The following TRPM3 variants were observed in gnomAD, a reference collection of about 807,000 sequenced individuals.
The protein encoded by TRPM3 is long transient receptor potential channel 3.
In TRPM3, 77 loss-of-function variants were observed where a neutral mutation model predicts 181.2. The observed-to-expected ratio is 0.42, with a 90% CI of 0.35 to 0.51. The LOEUF is 0.51. Ranked by LOEUF, TRPM3 falls within the 20% of genes least tolerant of loss-of-function variation. The pLI is 0.01. For synonymous variants in TRPM3, 745 were observed against 796.4 expected (o/e 0.94, Z 1.09); for missense variants, 1,759 against 2,196.7 (o/e 0.80, Z 3.98).
chr9:71,247,236 C>T (rs924833351), intron 1 of TRPM3, among the ~76,000 whole-genome samples: 1 of 151,354 alleles, frequency 6.6e-6, no homozygotes, highest in African/African-American at 2.4e-5. Context: ...TGCTTGTAAT[C>T]CCAGTTACTC....
At chr9:70,697,371 T>C (rs1268162257) in intron 8 of TRPM3, among the ~76,000 whole-genome samples, 1 of 152,226 alleles carries the variant, frequency 6.6e-6, no homozygotes, top group African/African-American at 2.4e-5. Context: ...ACATTTCTGT[T>C]TATCAGCTTT....
chr9:70,606,339 C>T (rs901342794), intron 19 of TRPM3, among the ~76,000 whole-genome samples: 1 of 152,160 alleles, frequency 6.6e-6, no homozygotes, highest in African/African-American at 2.4e-5. Flanking sequence ...TCACACCTCT[C>T]TTCTTTTTTT....
chr9:70,828,716 T>TA (rs2093707315), intron 5 of TRPM3, among the ~76,000 whole-genome samples: 1 of 52,134 alleles, frequency 1.9e-5, no homozygotes, highest in African/African-American at 5.1e-5. Context: ...TTTTTTTTTT[T>TA]ATAAAAAGAA....
At chr9:71,217,908 T>C (rs1228712344) in intron 1 of TRPM3, among the ~76,000 whole-genome samples, 2 of 152,180 alleles carry the variant, frequency 1.3e-5, no homozygotes, top group African/African-American at 4.8e-5. Context: ...ACTCACTACC[T>C]TGGAGTGACT....
intron 1 of TRPM3, among the ~76,000 whole-genome samples, chr9:71,006,774 G>A (rs1028818498): frequency 2.0e-5 from 3 of 151,172 alleles, no homozygotes; most frequent in African/African-American, 7.3e-5. Context: ...GGGAGGCTGA[G>A]GCAGGAGAAT....
At chr9:70,799,862 A>G (rs778570066) in intron 6 of TRPM3, among the ~76,000 whole-genome samples, 17 of 152,120 alleles carry the variant, frequency 1.1e-4, no homozygotes, top group Non-Finnish European at 2.4e-4. Context: ...CAACAACTTC[A>G]TCATTAATAA....
In TRPM3 at chr9:70,625,108, C is replaced by T. The variant is rs1217242311; in HGVS notation, c.1809+83G>A. On this transcript the variant is annotated intron_variant, in intron 14 of 25. Transcript: ENST00000677713. This position sits in a 1 kb window ranked among gnomAD's most constrained non-coding sequence, Gnocchi z 4.8. The stretch of plus-strand genomic sequence containing the variant: ...AGCGCAATTTTCTGATTTTAATTCC[C>T]CTTGGAGACAAAGAAGCCACAACCC... 2 of 1,496,548 alleles carry T rather than the reference C, an allele frequency of 1.3e-6. No individual in the cohort carries two copies. The highest frequency in any genetic ancestry group is 1.8e-6 in the Non-Finnish European group (2 of 1,103,932). 92.7% of individuals were successfully genotyped at this position (1,496,548 alleles called of 1,614,324 possible). A position where few individuals can be genotyped will look rare whatever the true frequency, so the allele number is the denominator to read the frequency against.
At chr9:71,276,990 T>C (rs1478094808) in intron 1 of TRPM3, among the ~76,000 whole-genome samples, 1 of 152,356 alleles carries the variant, frequency 6.6e-6, no homozygotes, top group East Asian at 1.9e-4. Flanking sequence ...TAAGTTCTAA[T>C]CACTGAAGTA....
At chr9:70,683,865 G>A (rs1031667143) in intron 8 of TRPM3, among the ~76,000 whole-genome samples, 10 of 152,168 alleles carry the variant, frequency 6.6e-5, no homozygotes, top group Non-Finnish European at 1.0e-4. Context: ...GGGTCCACTG[G>A]AGAAAGAACC....
intron 1 of TRPM3, among the ~76,000 whole-genome samples, chr9:71,216,119 AT>A (rs2079850596): frequency 6.6e-6 from 1 of 152,204 alleles, no homozygotes; most frequent in Admixed American, 6.5e-5. Flanking sequence ...TGCTGACAGA[AT>A]TTTGCTCTCA....
chr9:71,277,271 G>A (rs1008214519), intron 1 of TRPM3, among the ~76,000 whole-genome samples: 4 of 152,168 alleles, frequency 2.6e-5, no homozygotes, highest in African/African-American at 7.2e-5. Flanking sequence ...CCACCCTCAC[G>A]TGCTCAAGCT....
intron 1 of TRPM3, among the ~76,000 whole-genome samples, chr9:71,270,097 T>C (rs917203437): frequency 3.9e-5 from 6 of 152,146 alleles, no homozygotes; most frequent in Non-Finnish European, 8.8e-5. Context: ...ACTCCTCTGC[T>C]TAAAACTTTC....
intron 4 of TRPM3, 120 bp downstream of exon 4, chr9:70,846,258 T>A: frequency 1.1e-6 from 1 of 896,990 alleles, no homozygotes; most frequent in Non-Finnish European, 1.8e-6. Flanking sequence ...CCAGCAACTA[T>A]GGACCCATGG....
At position 70,766,137 on chromosome 9, in the gene TRPM3, C is replaced by T. The variant is rs746820068; in HGVS notation, c.1149-4413G>A. On this transcript the variant is annotated intron_variant, in intron 7 of 25. Coordinates refer to ENST00000677713, the MANE Select transcript of TRPM3 (RefSeq NM_001366145.2). ...TGGCATTTGTGTCTCCATTTAAATG[C>T]TGTACTTATGATCTGGAGCTTTGTA... Among the ~76,000 whole-genome samples the T allele has an allele frequency of 8.8e-4, 134 of 152,050 alleles. 1 individual carries two copies. The highest frequency in any genetic ancestry group is 1.9e-4 in the Non-Finnish European group (13 of 68,028).
intron 20 of TRPM3, among the ~76,000 whole-genome samples, chr9:70,598,918 A>T (rs1385288692): frequency 6.6e-6 from 1 of 152,240 alleles, no homozygotes; most frequent in Non-Finnish European, 1.5e-5. Flanking sequence ...TAAGACACAC[A>T]TAAGAGTTTT....
At chr9:70,834,193 C>A (rs896014513) in intron 5 of TRPM3, among the ~76,000 whole-genome samples, 8 of 152,186 alleles carry the variant, frequency 5.3e-5, no homozygotes, top group Admixed American at 5.2e-4. Context: ...CAAAGACTGC[C>A]CAGATACATT....
intron 1 of TRPM3, among the ~76,000 whole-genome samples, chr9:71,236,163 T>C (rs938695278): frequency 3.9e-5 from 6 of 152,212 alleles, no homozygotes; most frequent in African/African-American, 1.4e-4. Flanking sequence ...ATGTGTTGTC[T>C]ATTGTGTGTT....
intron 1 of TRPM3, among the ~76,000 whole-genome samples, chr9:71,161,810 T>C (rs2076284852): frequency 1.3e-5 from 2 of 152,180 alleles, no homozygotes; most frequent in African/African-American, 4.8e-5. Context: ...AATAATTTAA[T>C]ATACTGTATA....
At chr9:71,380,580 A>C (rs2092775762) in intron 1 of TRPM3, among the ~76,000 whole-genome samples, 1 of 152,092 alleles carries the variant, frequency 6.6e-6, no homozygotes, top group Non-Finnish European at 1.5e-5. Context: ...TTAGGGAGAC[A>C]GGTCTTCCCA....
Sources: allele counts gnomAD v4.1 joint callset (sites outside exome capture counted in the v4.1 genomes callset), GRCh38; gene constraint gnomAD v4.1.1; non-coding constraint Gnocchi (gnomAD v3.1); transcripts MANE v1.5; gene names NCBI Gene and HGNC (gene_info 2026-07-23, HGNC 2026-07-21).